HSPA12B: variants seen among roughly 807,000 people sequenced by gnomAD.
The protein encoded by HSPA12B is heat shock 70 kDa protein 12B.
In HSPA12B, 54 loss-of-function variants were observed where a neutral mutation model predicts 69.3. The observed-to-expected ratio is 0.78, with a 90% CI of 0.63 to 0.98. HSPA12B has a LOEUF of 0.98. Among genes scored for constraint, HSPA12B ranks in the 50% least tolerant of loss-of-function variants. The probability of loss-of-function intolerance (pLI) is 0.00; values close to 1 mark genes in which losing one functional copy is unlikely to be tolerated. For missense variants in HSPA12B, 929 were observed against 999.8 expected, an observed-to-expected ratio of 0.93 and a Z score of 0.96; for synonymous variants, 441 against 436.5, an observed-to-expected ratio of 1.01 and a Z score of -0.13.
rs2088282751 is a variant in HSPA12B, at chr20:3,745,467, G to T, written c.454-26G>T. The T allele has an allele frequency of 6.3e-7, 1 of 1,575,214 alleles. No homozygotes were observed. Among genetic ancestry groups the T allele is most frequent in the African/African-American group, 1.3e-5 (1 of 74,218 alleles). On this transcript the variant is annotated intron_variant, in intron 5 of 12. Transcript: ENST00000254963. This position sits in a 1 kb window ranked among gnomAD's most constrained non-coding sequence, Gnocchi z 5.6. ...AATGAGTGCCAAGCTGAGGCCTCCTGCAGAGCCGCCCTGTGTCCCTGCCAG... is the reference window on the plus strand; with the variant it reads ...AATGAGTGCCAAGCTGAGGCCTCCTTCAGAGCCGCCCTGTGTCCCTGCCAG...
chr20:3,751,902 C>T lies in HSPA12B; in HGVS notation c.1797C>T (p.Pro599=), dbSNP rs2043155477. Residue 599 remains proline, a synonymous_variant, in exon 13 of 13, where the codon CCC becomes CCT. Coordinates refer to ENST00000254963, the MANE Select transcript of HSPA12B (RefSeq NM_052970.5). The part of the protein sequence containing the change: ...EVRRSYCPAR[P]GQRRVLINLY... Reference sequence around the variant, plus strand: ...GGCGCAGCTACTGCCCGGCGCGTCCCGGCCAGCGGCGCGTACTCATCAACC... The same window carrying T: ...GGCGCAGCTACTGCCCGGCGCGTCCTGGCCAGCGGCGCGTACTCATCAACC... 1.3e-6 allele frequency: 2 copies of T among 1,573,304 alleles called. No individual in the cohort carries two copies. Among genetic ancestry groups the T allele is most frequent in the South Asian group, 1.1e-5 (1 of 87,344 alleles).
rs375113283 is a variant in HSPA12B at position 3,743,655 on chromosome 20, T to G, written c.266+1247T>G. ...GCACATACGAAGCTACCACTTTCTTTGAACGGCCTAGTATTCCATAGTACA... is the reference window on the plus strand; with the variant it reads ...GCACATACGAAGCTACCACTTTCTTGGAACGGCCTAGTATTCCATAGTACA... On this transcript the variant is annotated intron_variant, in intron 4 of 12. Transcript: ENST00000254963. 3.4e-4 allele frequency among the ~76,000 whole-genome samples: 52 copies of G among 152,368 alleles called. No individual in the cohort carries two copies. The East Asian group carries it at 7.5e-3, about 22-fold the overall frequency.
intron 3 of HSPA12B, 139 bp downstream of exon 3, chr20:3,741,051 C>A: frequency 1.5e-6 from 1 of 647,946 alleles, no homozygotes; most frequent in Non-Finnish European, 2.6e-6. Context: ...CCCGTACACT[C>A]CAGTCATGTG....
intron 7 of HSPA12B, 85 bp from the exon 8 acceptor site, chr20:3,748,132 C>G: frequency 8.1e-7 from 1 of 1,228,858 alleles, no homozygotes. Flanking sequence ...GGGAGCCCCA[C>G]AGGCCGCGGT....
chr20:3,739,747 A>G (rs544459523), intron 2 of HSPA12B, among the ~76,000 whole-genome samples: 2 of 152,260 alleles, frequency 1.3e-5, no homozygotes, highest in East Asian at 3.9e-4. Flanking sequence ...AAGGCCAGGG[A>G]GAGTGGAGAC....
At chr20:3,734,123 G>A (rs1353506708) in intron 1 of HSPA12B, among the ~76,000 whole-genome samples, 5 of 152,198 alleles carry the variant, frequency 3.3e-5, no homozygotes, top group Admixed American at 6.5e-5. Flanking sequence ...AGCCGTGATC[G>A]TGCCACTGCA....
At position 3,745,021 on chromosome 20, in the gene HSPA12B, T is replaced by C. The variant is rs1250597380; in HGVS notation, c.386T>C (p.Leu129Pro). Reference protein sequence around the residue: ...GYTARDYYHDLDPEEARDWLY... With the variant: ...GYTARDYYHDPDPEEARDWLY... Reference sequence around the variant, plus strand: ...ACCGCCCGCGATTACTACCATGACCTGGACCCCGAAGAGGCGCGGGACTGG... The same window carrying C: ...ACCGCCCGCGATTACTACCATGACCCGGACCCCGAAGAGGCGCGGGACTGG... The change falls in exon 5 of 13, where the codon CTG becomes CCG. Residue 129 changes from leucine (L) to proline (P), a missense_variant. Transcript: ENST00000254963. The surrounding 1 kb of genome is among the most constrained non-coding windows in gnomAD (Gnocchi z 5.6). 1.9e-6 allele frequency: 3 copies of C among 1,613,908 alleles called. No homozygotes were observed. The Admixed American group carries it at 5.0e-5, about 27-fold the overall frequency.
intron 4 of HSPA12B, among the ~76,000 whole-genome samples, chr20:3,743,352 T>A (rs1189517625): frequency 1.4e-5 from 2 of 147,294 alleles, no homozygotes. Context: ...CTGGCTAATT[T>A]AAAAAAAAAA....
chr20:3,750,296 C>T (rs2088392361), intron 11 of HSPA12B, 69 bp downstream of exon 11: 16 of 1,444,392 alleles, frequency 1.1e-5, no homozygotes, highest in Admixed American at 2.3e-5. Flanking sequence ...TGGAGGGTCC[C>T]GGGCCCCAAG....
In HSPA12B at chr20:3,745,570, G is replaced by A; in HGVS notation, c.531G>A (p.Leu177=). 6.2e-7 allele frequency: 1 copy of A among 1,614,162 alleles called. No individual in the cohort carries two copies. The highest frequency in any genetic ancestry group is 1.1e-5 in the South Asian group (1 of 91,082). The change falls in exon 6 of 13, where the codon CTG becomes CTA. Residue 177 remains leucine (L), a synonymous_variant. Coordinates refer to ENST00000254963, the MANE Select transcript of HSPA12B (RefSeq NM_052970.5). The surrounding 1 kb of genome is among the most constrained non-coding windows in gnomAD (Gnocchi z 5.6). ...CCCTGGAGGTGTTCGCCCATGCCCT[G>A]CGCTTCTTCAGGGAGCACGCCCTTC... ...MPALEVFAHA[L]RFFREHALQE... is the part of the protein sequence containing the mutation.
chr20:3,746,043 C>G lies in HSPA12B; in HGVS notation c.675+12C>G. On this transcript the variant is annotated intron_variant, in intron 7 of 12. Coordinates refer to ENST00000254963, the MANE Select transcript of HSPA12B (RefSeq NM_052970.5). Reference sequence around the variant, plus strand: ...AGGCTGCCTACCTGGTGAGGACGTGCAGGCGGGCCCGAGAACACTGCTCAG... The same window carrying G: ...AGGCTGCCTACCTGGTGAGGACGTGGAGGCGGGCCCGAGAACACTGCTCAG... 6.2e-7 allele frequency: 1 copy of G among 1,602,464 alleles called. No individual in the cohort carries two copies. The highest frequency in any genetic ancestry group is 1.7e-5 in the Admixed American group (1 of 59,966).
At chr20:3,748,773 C>T (rs1372460351) in intron 8 of HSPA12B, among the ~76,000 whole-genome samples, 2 of 152,104 alleles carry the variant, frequency 1.3e-5, no homozygotes, top group Non-Finnish European at 2.9e-5. Context: ...CCCACTGCAT[C>T]AGCTGTCCCC....
At chr20:3,751,445 G>GGC (rs2088418088) in intron 12 of HSPA12B, 66 bp from the exon 13 acceptor site, 1 of 1,361,360 alleles carries the variant, frequency 7.3e-7, no homozygotes, top group Non-Finnish European at 9.4e-7. Context: ...TGGCCTCAGT[G>GGC]GCTCTCTCTC....
At position 3,738,758 on chromosome 20, in the gene HSPA12B, C is replaced by T. The variant is rs368682589; in HGVS notation, c.43+41C>T. The stretch of plus-strand genomic sequence containing the variant: ...ATTCTGCCCTGACCCATCACCCACT[C>T]ACCCGAGCAGGCACTGAGACCCACC... On this transcript the variant is annotated intron_variant, in intron 2 of 12. Transcript: ENST00000254963. The T allele has an allele frequency of 5.8e-5, 93 of 1,611,302 alleles. No individual in the cohort carries two copies. The African/African-American group carries it at 1.0e-3, about 17-fold the overall frequency.
At chr20:3,734,154 C>T (rs2146548254) in intron 1 of HSPA12B, among the ~76,000 whole-genome samples, 1 of 152,284 alleles carries the variant, frequency 6.6e-6, no homozygotes, top group Admixed American at 6.5e-5. Flanking sequence ...GGCAACAGAG[C>T]AAGACCCTGT....
At chr20:3,733,728 A>G (rs2088066166) in intron 1 of HSPA12B, among the ~76,000 whole-genome samples, 1 of 152,194 alleles carries the variant, frequency 6.6e-6, no homozygotes, top group Admixed American at 6.5e-5. Context: ...TGGTTGGCCC[A>G]GTCTGTGGCT....
In HSPA12B at chr20:3,737,099, AATAAATAT is replaced by A. The variant is rs1386464258; in HGVS notation, c.-17-1558_-17-1551del. Among the ~76,000 whole-genome samples the A allele has an allele frequency of 2.0e-4, 28 of 139,418 alleles. No individual in the cohort carries two copies. The South Asian group carries it at 3.3e-3, about 17-fold the overall frequency. 91.5% of individuals were successfully genotyped at this position (139,418 alleles called of 152,430 possible). ...AAATAAATAAATAAATAAATAAATA[AATAAATAT>A]GAAATACATGTTCTGATTCAGCAGG... is the stretch of plus-strand genomic sequence containing the variant. On this transcript the variant is annotated intron_variant, in intron 1 of 12. Transcript: ENST00000254963. The surrounding 1 kb of genome is among the most constrained non-coding windows in gnomAD (Gnocchi z 4.1).
chr20:3,749,983 G>A lies in HSPA12B; in HGVS notation c.1057G>A (p.Ala353Thr), dbSNP rs778322208. 14 of 1,569,834 alleles carry A rather than the reference G, an allele frequency of 8.9e-6. No homozygotes were observed. The South Asian group carries it at 1.0e-4, about 12-fold the overall frequency. The change falls in exon 11 of 13, where the codon GCG becomes ACG. Residue 353 changes from alanine (A) to threonine (T), a missense_variant. Physicochemically the swap from Ala to Thr is moderately conservative, Grantham distance 58. Transcript: ENST00000254963. The surrounding 1 kb of genome is among the most constrained non-coding windows in gnomAD (Gnocchi z 5.5). Reference protein sequence around the residue: ...LYKASGGPYGAVGVDLAFEQL... With the variant: ...LYKASGGPYGTVGVDLAFEQL... ...CTCCACCCCAGGGGGCCCTTATGGCGCGGTGGGCGTGGACCTGGCCTTCGA... is the reference window on the plus strand; with the variant it reads ...CTCCACCCCAGGGGGCCCTTATGGCACGGTGGGCGTGGACCTGGCCTTCGA...
rs537915565 is a variant in HSPA12B, at chr20:3,740,405, A to C, written c.44-410A>C. 2.6e-5 allele frequency among the ~76,000 whole-genome samples: 4 copies of C among 151,988 alleles called. No homozygotes were observed. The East Asian group carries it at 7.8e-4, about 30-fold the overall frequency. ...CCTAGCCAGTTAGCTCTGTAGCTCC[A>C]CCTTTTGAAGGAGGAGGGCTTCTCT... On this transcript the variant is annotated intron_variant, in intron 2 of 12. Coordinates refer to ENST00000254963, the MANE Select transcript of HSPA12B (RefSeq NM_052970.5). The surrounding 1 kb of genome is among the most constrained non-coding windows in gnomAD (Gnocchi z 4.9).
Sources: allele counts gnomAD v4.1 joint callset (sites outside exome capture counted in the v4.1 genomes callset), GRCh38; gene constraint gnomAD v4.1.1; non-coding constraint Gnocchi (gnomAD v3.1); transcripts MANE v1.5; gene names NCBI Gene and HGNC (gene_info 2026-07-23, HGNC 2026-07-21).